The following CFDP1 variants were observed in gnomAD, a reference collection of about 807,000 sequenced individuals.
The protein encoded by CFDP1 is chromatin remodeling protein CFDP1, also known as heterochromatin-stabilizing protein CFDP1.
A neutral mutation model predicts 40.1 loss-of-function variants in CFDP1; 31 were observed. The observed-to-expected ratio is 0.77, with a 90% CI of 0.58 to 1.04. The LOEUF is 1.04. Ranked by LOEUF, CFDP1 falls within the 50% of genes least tolerant of loss-of-function variation. CFDP1 has a pLI of 0.00. For missense variants in CFDP1, 423 were observed against 343.4 expected (o/e 1.23, Z -1.83); for synonymous variants, 167 against 120.0 (o/e 1.39, Z -2.56).
chr16:75,407,262 T>C (rs1348234619), intron 4 of CFDP1, among the ~76,000 whole-genome samples: 3 of 152,160 alleles, frequency 2.0e-5, no homozygotes, highest in African/African-American at 4.8e-5. Context: ...CAATTTAACA[T>C]GTTTTTCAGT....
intron 5 of CFDP1, among the ~76,000 whole-genome samples, chr16:75,342,488 T>C (rs1221597238): frequency 1.3e-5 from 2 of 152,224 alleles, no homozygotes; most frequent in East Asian, 1.9e-4. Context: ...AAAGTTTGTT[T>C]ACTTGGAACA....
intron 5 of CFDP1, among the ~76,000 whole-genome samples, chr16:75,369,581 G>C (rs2078737999): frequency 6.6e-6 from 1 of 152,132 alleles, no homozygotes; most frequent in Admixed American, 6.6e-5. Flanking sequence ...GTCCACACTT[G>C]TTTCTTCTGA....
intron 1 of CFDP1, among the ~76,000 whole-genome samples, chr16:75,419,612 A>C (rs2079253410): frequency 6.6e-6 from 1 of 152,186 alleles, no homozygotes; most frequent in South Asian, 2.1e-4. Context: ...ATGCATTCCC[A>C]GGAGGTTAAG....
At chr16:75,343,328 T>C (rs1005894638) in intron 5 of CFDP1, among the ~76,000 whole-genome samples, 2 of 152,166 alleles carry the variant, frequency 1.3e-5, no homozygotes, top group African/African-American at 4.8e-5. Flanking sequence ...TCTTGCTGAA[T>C]AGCAGTTCCT....
chr16:75,363,472 T>C (rs555569205), intron 5 of CFDP1, among the ~76,000 whole-genome samples: 4 of 151,964 alleles, frequency 2.6e-5, no homozygotes, highest in Admixed American at 2.6e-4. Flanking sequence ...CTCAGCTCAC[T>C]GCAACCTCTG....
At chr16:75,412,371 C>A (rs550694965) in intron 3 of CFDP1, among the ~76,000 whole-genome samples, 164 bp downstream of exon 3, 2 of 152,180 alleles carry the variant, frequency 1.3e-5, no homozygotes, top group African/African-American at 4.8e-5. Context: ...CTATTGGAAA[C>A]TTACATGATT....
At chr16:75,318,035 T>A (rs2078335553) in intron 5 of CFDP1, among the ~76,000 whole-genome samples, 1 of 151,924 alleles carries the variant, frequency 6.6e-6, no homozygotes, top group South Asian at 2.1e-4. Context: ...GCAGGAGAAT[T>A]GCTTGAACTT....
At position 75,417,966 on chromosome 16, in the gene CFDP1, G is replaced by C. The variant is rs143520543; in HGVS notation, c.65-3271C>G. Among the ~76,000 whole-genome samples, 514 of 152,104 alleles carry C rather than the reference G, an allele frequency of 3.4e-3. 2 individuals carry two copies. The highest frequency in any genetic ancestry group is 0.011 in the African/African-American group (436 of 41,512). On this transcript the variant is annotated intron_variant, in intron 1 of 6. Transcript: ENST00000283882. ...GAAATGACACAATTATAAAATCAAA[G>C]AAATTGGCTGGGAGCGGTGGCTCAT...
intron 5 of CFDP1, among the ~76,000 whole-genome samples, chr16:75,340,756 T>A (rs1293777156): frequency 6.6e-6 from 1 of 152,188 alleles, no homozygotes; most frequent in Non-Finnish European, 1.5e-5. Flanking sequence ...ATCTGCTGAG[T>A]AAGAAAAGAG....
intron 5 of CFDP1, among the ~76,000 whole-genome samples, chr16:75,368,268 G>A (rs531163587): frequency 6.6e-6 from 1 of 152,262 alleles, no homozygotes; most frequent in African/African-American, 2.4e-5. Flanking sequence ...TGTAATAATG[G>A]TAATTGCTTT....
At chr16:75,297,993 T>G (rs1282008193) in intron 6 of CFDP1, among the ~76,000 whole-genome samples, 2 of 152,198 alleles carry the variant, frequency 1.3e-5, no homozygotes, top group African/African-American at 4.8e-5. Flanking sequence ...TTTAAAGCAC[T>G]GACAAGACAC....
chr16:75,300,101 T>C (rs1259061940), intron 6 of CFDP1, among the ~76,000 whole-genome samples: 2 of 152,164 alleles, frequency 1.3e-5, no homozygotes, highest in Admixed American at 6.5e-5. Flanking sequence ...CTGCTTCCGC[T>C]GCTGGGTGGA....
chr16:75,425,329 G>T (rs1448457607), intron 1 of CFDP1, among the ~76,000 whole-genome samples: 1 of 148,016 alleles, frequency 6.8e-6, no homozygotes, highest in Non-Finnish European at 1.5e-5. Flanking sequence ...AGAGGTTGCA[G>T]TGAGCAGAGA....
intron 5 of CFDP1, among the ~76,000 whole-genome samples, chr16:75,335,852 G>C (rs1446777942): frequency 7.9e-5 from 12 of 152,052 alleles, no homozygotes; most frequent in Non-Finnish European, 1.6e-4. Flanking sequence ...CACCGCGCCT[G>C]ACCAAATCTC....
intron 5 of CFDP1, among the ~76,000 whole-genome samples, chr16:75,378,492 A>G (rs1017150383): frequency 6.6e-6 from 1 of 152,196 alleles, no homozygotes; most frequent in Non-Finnish European, 1.5e-5. Context: ...GTTTTAAAAA[A>G]TGGTGATCAT....
chr16:75,295,131 A>C (rs1412113965), intron 6 of CFDP1, among the ~76,000 whole-genome samples: 1 of 152,246 alleles, frequency 6.6e-6, no homozygotes. Flanking sequence ...CATTACATTT[A>C]TAGTGAGAAT....
At chr16:75,320,631 C>T (rs576487941) in intron 5 of CFDP1, among the ~76,000 whole-genome samples, 54 of 152,312 alleles carry the variant, frequency 3.5e-4, no homozygotes, top group African/African-American at 1.3e-3. Context: ...TTGACACCCT[C>T]TCCTGGGGGA....
At position 75,433,426 on chromosome 16, in the gene CFDP1, G is replaced by T. The variant is rs1025659577; in HGVS notation, c.-74C>A. 2 of 1,442,836 alleles carry T rather than the reference G, an allele frequency of 1.4e-6. No individual in the cohort carries two copies. Among genetic ancestry groups the T allele is most frequent in the Non-Finnish European group, 1.9e-6 (2 of 1,056,390 alleles). 89.4% of individuals were successfully genotyped at this position (1,442,836 alleles called of 1,614,324 possible). A position where few individuals can be genotyped will look rare whatever the true frequency, so the allele number is the denominator to read the frequency against. Reference sequence around the variant, plus strand: ...CTCCAACGGCAAAGCTCTAGGGAGAGACCATAGAGCCCCGGCGGCGGCGAC... The same window carrying T: ...CTCCAACGGCAAAGCTCTAGGGAGATACCATAGAGCCCCGGCGGCGGCGAC... On this transcript the variant is annotated 5_prime_UTR_variant, in exon 1 of 7. Coordinates refer to ENST00000283882, the MANE Select transcript of CFDP1 (RefSeq NM_006324.3).
intron 5 of CFDP1, among the ~76,000 whole-genome samples, chr16:75,384,131 G>A (rs2078873331): frequency 6.6e-6 from 1 of 152,090 alleles, no homozygotes; most frequent in Non-Finnish European, 1.5e-5. Flanking sequence ...GTGAGGCTGA[G>A]GTGGGCAGAT....
Sources: gnomAD v4.1 joint callset for allele counts (sites outside exome capture counted in the v4.1 genomes callset) on GRCh38, gnomAD v4.1.1 for gene constraint, MANE v1.5 for transcripts, NCBI Gene and HGNC (gene_info 2026-07-23, HGNC 2026-07-21) for gene names.